STIM1: variants seen among roughly 807,000 people sequenced by gnomAD.
STIM1 encodes stromal interaction molecule 1.
Under a neutral mutation model 74.7 loss-of-function variants are expected in STIM1, and 25 were observed. That is an observed-to-expected ratio of 0.33 (90% CI 0.24 to 0.47). The LOEUF is 0.47. STIM1 is among the 20% of genes least tolerant of loss of function. The pLI is 1.00. For synonymous variants in STIM1, 328 were observed against 348.8 expected, an observed-to-expected ratio of 0.94 and a Z score of 0.66; for missense variants, 728 against 920.8, an observed-to-expected ratio of 0.79 and a Z score of 2.71.
At chr11:4,011,346 G>T (rs1450053933) in intron 2 of STIM1, among the ~76,000 whole-genome samples, 1 of 152,210 alleles carries the variant, frequency 6.6e-6, no homozygotes, top group African/African-American at 2.4e-5. Context: ...CAGTGTAAAA[G>T]CATTCCTATT....
chr11:3,947,833 A>G (rs981035137), intron 1 of STIM1: 1 of 152,186 alleles, frequency 6.6e-6, no homozygotes, highest in Non-Finnish European at 1.5e-5. Context: ...CACTTATTGT[A>G]TCTGGGCTTC....
intron 1 of STIM1, chr11:3,888,221 C>T (rs2091787606): frequency 6.6e-6 from 1 of 152,114 alleles, no homozygotes; most frequent in South Asian, 2.1e-4. Flanking sequence ...AGCTTAAGGT[C>T]TCTGCTATGA....
At chr11:4,085,589 AT>A (rs1250561374) in intron 11 of STIM1, among the ~76,000 whole-genome samples, 1 of 152,240 alleles carries the variant, frequency 6.6e-6, no homozygotes, top group African/African-American at 2.4e-5. Context: ...GTCCCACCAT[AT>A]TTGAGCACCT....
At chr11:3,988,346 T>A (rs1009464923) in intron 2 of STIM1, among the ~76,000 whole-genome samples, 1 of 152,194 alleles carries the variant, frequency 6.6e-6, no homozygotes, top group African/African-American at 2.4e-5. Context: ...GATTTTTACA[T>A]TTTTTTCTTT....
At chr11:3,862,897 C>A (rs1052480247) in intron 1 of STIM1, among the ~76,000 whole-genome samples, 2 of 151,478 alleles carry the variant, frequency 1.3e-5, no homozygotes, top group Non-Finnish European at 2.9e-5. Context: ...CACACACACA[C>A]ACATATTTTT....
intron 10 of STIM1, 58 bp from the exon 11 acceptor site, chr11:4,084,615 G>T (rs1180803644): frequency 3.2e-6 from 4 of 1,263,330 alleles, no homozygotes; most frequent in Non-Finnish European, 4.1e-6. Context: ...TTGATGGCAG[G>T]CCGAAGCCCT....
At chr11:3,932,530 C>T (rs935183332) in intron 1 of STIM1, among the ~76,000 whole-genome samples, 6 of 152,102 alleles carry the variant, frequency 3.9e-5, no homozygotes, top group African/African-American at 7.2e-5. Flanking sequence ...GGCGTGGTGG[C>T]GGGCACCTGT....
At chr11:3,882,224 C>T (rs904229828) in intron 1 of STIM1, among the ~76,000 whole-genome samples, 4 of 151,536 alleles carry the variant, frequency 2.6e-5, no homozygotes, top group African/African-American at 7.3e-5. Flanking sequence ...CTCAGCCTCC[C>T]GAGTAGCTGG....
At chr11:3,933,697 CG>C (rs1371858139) in intron 1 of STIM1, among the ~76,000 whole-genome samples, 1 of 152,118 alleles carries the variant, frequency 6.6e-6, no homozygotes, top group Non-Finnish European at 1.5e-5. Context: ...CTCTCTTCCC[CG>C]CCGCCCGCCG....
intron 2 of STIM1, among the ~76,000 whole-genome samples, chr11:3,998,788 CAA>C (rs145213066): frequency 0.024 from 3,666 of 152,076 alleles, 149 homozygotes; most frequent in African/African-American, 0.084. Flanking sequence ...ATTTAATAGA[CAA>C]AGAGTGGGAG....
intron 1 of STIM1, among the ~76,000 whole-genome samples, chr11:3,877,109 T>C (rs1165130480): frequency 7.5e-6 from 1 of 132,740 alleles, no homozygotes; most frequent in Non-Finnish European, 1.6e-5. Context: ...TAAGGAAAGA[T>C]AGTTTCTTTC....
chr11:3,998,882 T>G (rs752737778), intron 2 of STIM1, among the ~76,000 whole-genome samples: 3 of 152,224 alleles, frequency 2.0e-5, no homozygotes, highest in Non-Finnish European at 4.4e-5. Context: ...TGAAATGGCT[T>G]GATGTGTCTA....
intron 2 of STIM1, among the ~76,000 whole-genome samples, chr11:3,968,518 C>T (rs1214026908): frequency 6.6e-6 from 1 of 151,982 alleles, no homozygotes; most frequent in Admixed American, 6.6e-5. Context: ...ACAATGAGGG[C>T]CTATACAGAG....
intron 12 of STIM1, chr11:4,088,992 G>A (rs2094508527): frequency 4.7e-6 from 2 of 424,434 alleles, no homozygotes; most frequent in Non-Finnish European, 8.9e-6. Context: ...AGCACTTTGG[G>A]AGGCCGAGAG....
At position 4,083,628 on chromosome 11, in the gene STIM1, G is replaced by T. The variant is rs986520526; in HGVS notation, c.1474+130G>T. 1.8e-5 allele frequency: 16 copies of T among 872,022 alleles called. No individual in the cohort carries two copies. The East Asian group carries it at 4.2e-4, about 23-fold the overall frequency. 54.0% of individuals were successfully genotyped at this position (872,022 alleles called of 1,614,324 possible). On this transcript the variant is annotated intron_variant, in intron 10 of 12. Transcript: ENST00000526596. ...GAAGATAGTTCAACTCATGACCTTG[G>T]TCAATAAAGCACAATTTACTCAGGT... is the stretch of plus-strand genomic sequence containing the variant.
At chr11:3,888,218 G>A (rs2091787206) in intron 1 of STIM1, 1 of 152,130 alleles carries the variant, frequency 6.6e-6, no homozygotes, top group African/African-American at 2.4e-5. Context: ...GCTAGCTTAA[G>A]GTCTCTGCTA....
At chr11:3,978,443 C>T (rs575442463) in intron 2 of STIM1, among the ~76,000 whole-genome samples, 225 of 150,088 alleles carry the variant, frequency 1.5e-3, no homozygotes, top group Non-Finnish European at 1.9e-3. Flanking sequence ...CCACCACGCC[C>T]GGCGCCTGTG....
At chr11:4,024,930 A>C (rs1257152660) in intron 3 of STIM1, among the ~76,000 whole-genome samples, 50 of 152,200 alleles carry the variant, frequency 3.3e-4, no homozygotes, top group Non-Finnish European at 8.8e-5. Context: ...GATAACAATA[A>C]GACTAGAAGA....
chr11:4,028,968 A>ACC (rs772267756), intron 3 of STIM1, among the ~76,000 whole-genome samples: 11 of 151,824 alleles, frequency 7.2e-5, no homozygotes, highest in Non-Finnish European at 1.6e-4. Flanking sequence ...CAGGCAGATC[A>ACC]TGAGGTCAGG....
Sources: gnomAD v4.1 joint callset for allele counts (sites outside exome capture counted in the v4.1 genomes callset) on GRCh38, gnomAD v4.1.1 for gene constraint, MANE v1.5 for transcripts, NCBI Gene and HGNC (gene_info 2026-07-23, HGNC 2026-07-21) for gene names.